ATP13A5: variants seen among roughly 807,000 people sequenced by gnomAD.
ATP13A5 encodes the protein probable cation-transporting ATPase 13A5.
ATP13A5 carries 149 observed loss-of-function variants against 150.2 expected under a neutral mutation model. The ratio of observed to expected loss-of-function variants is 0.99; its 90% confidence interval spans 0.87 to 1.14. The LOEUF is 1.14. ATP13A5 is among the 50% of genes most tolerant of loss of function. The pLI, the probability that ATP13A5 is intolerant of heterozygous loss-of-function variation, is 0.00. For missense variants in ATP13A5, 1,383 were observed against 1,449.3 expected (o/e 0.95, Z 0.74); for synonymous variants, 497 against 522.2 (o/e 0.95, Z 0.66).
chr3:193,279,299 T>C, intron 28 of ATP13A5, 67 bp downstream of exon 28: 1 of 1,246,360 alleles, frequency 8.0e-7, no homozygotes, highest in Non-Finnish European at 1.2e-6. Flanking sequence ...AATTGACTTG[T>C]GAATTACAAT....
chr3:193,359,624 G>A (rs1378882583), intron 5 of ATP13A5, among the ~76,000 whole-genome samples: 1 of 152,200 alleles, frequency 6.6e-6, no homozygotes, highest in Non-Finnish European at 1.5e-5. Context: ...TCAACGGGGA[G>A]CCTCTCTTCC....
chr3:193,377,304 G>A (rs114024043), intron 1 of ATP13A5, among the ~76,000 whole-genome samples: 1,695 of 152,252 alleles, frequency 0.011, 35 homozygotes, highest in African/African-American at 0.039. Context: ...CAAGCTTAGC[G>A]TGCTACAATA....
intron 27 of ATP13A5, among the ~76,000 whole-genome samples, chr3:193,280,310 C>T (rs1458921787): frequency 6.6e-6 from 1 of 152,142 alleles, no homozygotes; most frequent in African/African-American, 2.4e-5. Flanking sequence ...CCTCGGCCTC[C>T]CAAAGTGCTA....
chr3:193,342,433 T>C (rs1232151099), intron 9 of ATP13A5, among the ~76,000 whole-genome samples: 1 of 152,218 alleles, frequency 6.6e-6, no homozygotes, highest in African/African-American at 2.4e-5. Flanking sequence ...TAGATCTTTC[T>C]GAAGAAGTTA....
intron 1 of ATP13A5, among the ~76,000 whole-genome samples, chr3:193,377,109 T>C (rs1419418076): frequency 6.6e-6 from 1 of 152,216 alleles, no homozygotes; most frequent in Non-Finnish European, 1.5e-5. Flanking sequence ...AGTATCAGGC[T>C]ATAAACTTTA....
At chr3:193,314,388 G>T in intron 18 of ATP13A5, 195 bp from the exon 19 acceptor site, 3 of 566,610 alleles carry the variant, frequency 5.3e-6, no homozygotes, top group South Asian at 2.4e-5. Context: ...TCCATATTCT[G>T]CATCATATCC....
chr3:193,343,221 A>G (rs1196706698), intron 9 of ATP13A5, among the ~76,000 whole-genome samples: 1 of 152,240 alleles, frequency 6.6e-6, no homozygotes, highest in Non-Finnish European at 1.5e-5. Context: ...GTGTTGCTGT[A>G]TAGTCTCTTC....
In ATP13A5 at chr3:193,363,220, C is replaced by T. The variant is rs1713106629; in HGVS notation, c.384+16G>A. 6.2e-7 allele frequency: 1 copy of T among 1,609,904 alleles called. No individual in the cohort carries two copies. Among genetic ancestry groups the T allele is most frequent in the Non-Finnish European group, 8.5e-7 (1 of 1,178,014 alleles). On this transcript the variant is annotated intron_variant, in intron 3 of 29. Transcript: ENST00000342358. The stretch of plus-strand genomic sequence containing the variant: ...TCTGTAAACATGCATAACACCATAC[C>T]CTTCAAGTAACTTACTTTTAATTCT...
intron 12 of ATP13A5, among the ~76,000 whole-genome samples, chr3:193,329,804 T>C (rs1397158399): frequency 6.6e-6 from 1 of 152,148 alleles, no homozygotes; most frequent in Non-Finnish European, 1.5e-5. Context: ...CCTTGTCCTT[T>C]TTGTCTGGGA....
At position 193,321,654 on chromosome 3, in the gene ATP13A5, C is replaced by T. The variant is rs984604102; in HGVS notation, c.1915+27G>A. On this transcript the variant is annotated intron_variant, in intron 16 of 29. Coordinates refer to ENST00000342358, the MANE Select transcript of ATP13A5 (RefSeq NM_198505.4). Reference sequence around the variant, plus strand: ...TCAAAGAAAAAACAAAAGTATTTTACTTCTTGAAAGAGAAAAGTGTTAGTA... The same window carrying T: ...TCAAAGAAAAAACAAAAGTATTTTATTTCTTGAAAGAGAAAAGTGTTAGTA... 3 of 1,609,532 alleles carry T rather than the reference C, an allele frequency of 1.9e-6. No homozygotes were observed. The African/African-American group carries it at 4.0e-5, about 22-fold the overall frequency.
chr3:193,275,220 C>G lies in ATP13A5; in HGVS notation c.3479G>C (p.Trp1160Ser). ...TGAGTCTTCTGCTAGCTTCTTTTGC[C>G]AAGTCCTATATTGACTTTTAGAGTA... ...GFYSKSQYRT[W>S]QKKLAEDSTW... The change falls in exon 30 of 30, where the codon TGG (tryptophan) becomes TCG (serine). Residue 1160 changes from tryptophan to serine, a missense_variant. Around this residue, in one of 3 missense-constraint regions of ATP13A5, gnomAD observed 568 missense variants for 621.5 expected, o/e 0.91. Coordinates refer to ENST00000342358, the MANE Select transcript of ATP13A5 (RefSeq NM_198505.4). The G allele has an allele frequency of 1.9e-6, 3 of 1,614,170 alleles. No homozygotes were observed. Among genetic ancestry groups the G allele is most frequent in the Non-Finnish European group, 2.5e-6 (3 of 1,180,038 alleles).
intron 18 of ATP13A5, among the ~76,000 whole-genome samples, chr3:193,314,602 C>T (rs1471091881): frequency 2.0e-5 from 3 of 152,104 alleles, no homozygotes; most frequent in Non-Finnish European, 4.4e-5. Flanking sequence ...GATCATACAC[C>T]ATGCCTGGCC....
At chr3:193,279,584 A>G (rs1479449441) in intron 27 of ATP13A5, 130 bp from the exon 28 acceptor site, 2 of 669,470 alleles carry the variant, frequency 3.0e-6, no homozygotes, top group Non-Finnish European at 5.3e-6. Context: ...ATATATCCTC[A>G]TATGTTTTGA....
chr3:193,315,679 T>G (rs1325224666), intron 17 of ATP13A5, among the ~76,000 whole-genome samples: 1 of 152,180 alleles, frequency 6.6e-6, no homozygotes, highest in Non-Finnish European at 1.5e-5. Context: ...CACTCTTGGG[T>G]GGCTTTTTAA....
chr3:193,351,076 A>G lies in ATP13A5; in HGVS notation c.732T>C (p.Asp244=). 6.2e-7 allele frequency: 1 copy of G among 1,613,362 alleles called. No individual in the cohort carries two copies. Among genetic ancestry groups the G allele is most frequent in the Non-Finnish European group, 8.5e-7 (1 of 1,179,518 alleles). Residue 244 remains aspartate, a synonymous_variant, in exon 7 of 30, where the codon GAT becomes GAC. Coordinates refer to ENST00000342358, the MANE Select transcript of ATP13A5 (RefSeq NM_198505.4). Reference sequence around the variant, plus strand: ...TGATTTCAGGTCTTACCTGTCGCAAATCATACACACTTAAGACAATGGAGA... The same window carrying G: ...TGATTTCAGGTCTTACCTGTCGCAAGTCATACACACTTAAGACAATGGAGA... The part of the protein sequence containing the change: ...TVISIVLSVY[D]LRQQSVKLHN...
chr3:193,354,628 A>G (rs1712705288), intron 5 of ATP13A5, among the ~76,000 whole-genome samples: 1 of 151,950 alleles, frequency 6.6e-6, no homozygotes, highest in Non-Finnish European at 1.5e-5. Context: ...GGCCCTTAGT[A>G]TACGAACCGA....
intron 9 of ATP13A5, among the ~76,000 whole-genome samples, chr3:193,337,084 GT>G (rs1327913564): frequency 6.6e-6 from 1 of 152,106 alleles, no homozygotes; most frequent in Admixed American, 6.6e-5. Flanking sequence ...TGATGGGGTT[GT>G]TTGTTTTTTT....
chr3:193,378,553 T>C (rs1337547050), intron 1 of ATP13A5, 110 bp downstream of exon 1: 3 of 971,978 alleles, frequency 3.1e-6, no homozygotes, highest in Non-Finnish European at 4.8e-6. Context: ...CCTTTCAAGG[T>C]CCTAAAGCCT....
At chr3:193,290,867 A>C (rs1288779327) in intron 25 of ATP13A5, among the ~76,000 whole-genome samples, 2 of 152,184 alleles carry the variant, frequency 1.3e-5, no homozygotes, top group Admixed American at 1.3e-4. Flanking sequence ...GCAGGAAGGA[A>C]GCATGAGGAG....
Sources: gnomAD v4.1 joint callset for allele counts (sites outside exome capture counted in the v4.1 genomes callset) on GRCh38, gnomAD v4.1.1 for gene constraint, gnomAD v4.1.1 regional missense constraint, MANE v1.5 for transcripts, NCBI Gene and HGNC (gene_info 2026-07-23, HGNC 2026-07-21) for gene names.